The following FRS3 variants were observed in gnomAD, a reference collection of about 807,000 sequenced individuals.
FRS3 encodes fibroblast growth factor receptor substrate 3, also known as FGFR substrate 3.
A neutral mutation model predicts 41.9 loss-of-function variants in FRS3; 17 were observed. That is an observed-to-expected ratio of 0.41 (90% CI 0.28 to 0.61). The LOEUF (loss-of-function observed/expected upper bound fraction) is 0.61. FRS3 is among the 20% of genes least tolerant of loss of function. The pLI, the probability that FRS3 is intolerant of heterozygous loss-of-function variation, is 0.36. For missense variants in FRS3, 619 were observed against 672.1 expected, an observed-to-expected ratio of 0.92 and a Z score of 0.87; for synonymous variants, 287 against 274.5, an observed-to-expected ratio of 1.05 and a Z score of -0.45.
chr6:41,777,974 C>T (rs1339875836), intron 2 of FRS3, 59 bp downstream of exon 2: 1 of 152,636 alleles, frequency 6.6e-6, no homozygotes, highest in Non-Finnish European at 1.5e-5. Flanking sequence ...TGACCTGTAC[C>T]CTCTGTTCCT....
chr6:41,773,200 T>C (rs1210473634), intron 4 of FRS3, among the ~76,000 whole-genome samples: 1 of 152,100 alleles, frequency 6.6e-6, no homozygotes, highest in Non-Finnish European at 1.5e-5. Context: ...CCTCCCAGGT[T>C]CAAGCAATTC....
chr6:41,772,938 G>A lies in FRS3; in HGVS notation c.275C>T (p.Ser92Phe). The change falls in exon 5 of 7, where the codon TCC becomes TTC. Residue 92 changes from serine to phenylalanine, a missense_variant. Coordinates refer to ENST00000373018, the MANE Select transcript of FRS3 (RefSeq NM_006653.5). ...TGQGIFAFKC[S>F]RAEEIFNLLQ... is the part of the protein sequence containing the mutation. ...GAGGTTGAAGATTTCCTCAGCCCGG[G>A]AACACTTAAATGCAAATATTCCTGG... is the stretch of plus-strand genomic sequence containing the variant. The A allele has an allele frequency of 3.1e-6, 5 of 1,613,872 alleles. No homozygotes were observed. Among genetic ancestry groups the A allele is most frequent in the Non-Finnish European group, 4.2e-6 (5 of 1,179,902 alleles).
intron 4 of FRS3, among the ~76,000 whole-genome samples, chr6:41,773,570 G>A (rs1049310305): frequency 6.6e-6 from 1 of 151,392 alleles, no homozygotes; most frequent in Non-Finnish European, 1.5e-5. Flanking sequence ...CACAAGAAGA[G>A]AATCAAAACC....
intron 2 of FRS3, 72 bp from the exon 3 acceptor site, chr6:41,777,082 C>A: frequency 9.7e-7 from 1 of 1,028,760 alleles, no homozygotes; most frequent in Non-Finnish European, 1.5e-6. Context: ...GGAACTTGGG[C>A]AGAAGCACGT....
chr6:41,777,078 T>C lies in FRS3; in HGVS notation c.-23-68A>G, dbSNP rs556965275. On this transcript the variant is annotated intron_variant, in intron 2 of 6. Transcript: ENST00000373018. ...TCAAAAAACCCTGCTCTGGGGAACT[T>C]GGGCAGAAGCACGTCATTGTGATCA... 8.1e-6 allele frequency: 9 copies of C among 1,106,686 alleles called. No homozygotes were observed. In the African/African-American group the frequency reaches 1.4e-4, roughly 17 times the overall value. The allele number at this position is 1,106,686 out of a possible 1,614,324, so 68.6% of individuals were successfully genotyped here.
chr6:41,771,013 T>C lies in FRS3; in HGVS notation c.1085A>G (p.Asp362Gly). Reference protein sequence around the residue: ...GLTPSSNGFPDGEEDETPLQK... With the variant: ...GLTPSSNGFPGGEEDETPLQK... ...CAGTGGGGTCTCGTCCTCCTCACCA[T>C]CAGGGAAGCCATTGGAAGAGGGTGT... The change falls in exon 7 of 7, where the codon GAT becomes GGT. Residue 362 changes from aspartate to glycine, a missense_variant. Physicochemically the swap from Asp to Gly is moderately conservative, Grantham distance 94 (BLOSUM62 -1). Around this residue, in one of 3 missense-constraint regions of FRS3, gnomAD observed 487 missense variants for 478.3 expected, o/e 1.02. Coordinates refer to ENST00000373018, the MANE Select transcript of FRS3 (RefSeq NM_006653.5). The C allele has an allele frequency of 1.2e-6, 2 of 1,613,008 alleles. No homozygotes were observed. Among genetic ancestry groups the C allele is most frequent in the Non-Finnish European group, 1.7e-6 (2 of 1,179,812 alleles).
intron 5 of FRS3, among the ~76,000 whole-genome samples, chr6:41,772,427 A>G (rs944751914): frequency 6.6e-6 from 1 of 152,226 alleles, no homozygotes; most frequent in African/African-American, 2.4e-5. Context: ...CCTCTCCAGA[A>G]TACGGTCATG....
chr6:41,779,847 C>T lies in FRS3; in HGVS notation c.-199G>A, dbSNP rs1475458784. The T allele has an allele frequency of 2.0e-5, 3 of 147,220 alleles. No individual in the cohort carries two copies. The highest frequency in any genetic ancestry group is 4.5e-5 in the Non-Finnish European group (3 of 66,246). The allele number at this position is 147,220 out of a possible 1,614,324, so 9.1% of individuals were successfully genotyped here. A position where few individuals can be genotyped will look rare whatever the true frequency, so the allele number is the denominator to read the frequency against. ...CCGCGGCCCGGGCGGCGCCGGGCCC[C>T]GCTCCCGGGTCCCGCTGCAGCAGCC... On this transcript the variant is annotated 5_prime_UTR_variant, in exon 1 of 7. Coordinates refer to ENST00000373018, the MANE Select transcript of FRS3 (RefSeq NM_006653.5).
chr6:41,771,571 G>A (rs756803085), intron 6 of FRS3, 38 bp from the exon 7 acceptor site: 2 of 1,461,726 alleles, frequency 1.4e-6, no homozygotes, highest in African/African-American at 1.4e-5. Flanking sequence ...AGTGTCCCAG[G>A]GCAGGGAGAA....
At chr6:41,777,473 C>T (rs1373197533) in intron 2 of FRS3, 4 of 156,260 alleles carry the variant, frequency 2.6e-5, no homozygotes, top group African/African-American at 9.6e-5. Flanking sequence ...CTCTTTTTTC[C>T]TCCCTTTTTA....
chr6:41,771,981 C>T lies in FRS3; in HGVS notation c.416-17G>A, dbSNP rs1581968177. 6.6e-7 allele frequency: 1 copy of T among 1,524,900 alleles called. No individual in the cohort carries two copies. The allele number at this position is 1,524,900 out of a possible 1,614,324, so 94.5% of individuals were successfully genotyped here. On this transcript the variant is annotated splice_polypyrimidine_tract_variant and intron_variant, in intron 5 of 6. Coordinates refer to ENST00000373018, the MANE Select transcript of FRS3 (RefSeq NM_006653.5). ...AGCCTAGAGCTGAGCACACGGGAGA[C>T]AAGCCCAGGAGAGGGGAACTTAAGC... is the stretch of plus-strand genomic sequence containing the variant.
At chr6:41,778,456 C>A (rs546195844) in intron 1 of FRS3, among the ~76,000 whole-genome samples, 7 of 152,316 alleles carry the variant, frequency 4.6e-5, no homozygotes, top group Admixed American at 1.3e-4. Context: ...AGTCCTGTTA[C>A]AACAAACACC....
At chr6:41,771,755 T>C in intron 6 of FRS3, 61 bp downstream of exon 6, 18 of 1,518,514 alleles carry the variant, frequency 1.2e-5, no homozygotes, top group Non-Finnish European at 1.6e-5. Flanking sequence ...GGTGGCCTTA[T>C]TTCCTATCCC....
In FRS3 at chr6:41,775,510, G is replaced by A. The variant is rs369427367; in HGVS notation, c.162C>T (p.Ala54=). Residue 54 remains alanine, a synonymous_variant, in exon 4 of 7, where the codon GCC becomes GCT. Transcript: ENST00000373018. ...ELVLHLHRRE[A]VRWPYLCLRR... is the part of the protein sequence containing the mutation. ...GCAAGCAGAGATAAGGCCAGCGGAC[G>A]GCCTCACGCCGATGCAGGTGCAGCA... The A allele has an allele frequency of 2.4e-4, 395 of 1,613,910 alleles. 1 individual carries two copies. The highest frequency in any genetic ancestry group is 3.1e-4 in the Non-Finnish European group (361 of 1,179,988).
In FRS3 at chr6:41,775,549, C is replaced by T. The variant is rs756142321; in HGVS notation, c.123G>A (p.Thr41=). ...VELGSGVMEL[T]QSELVLHLHR... ...GCAGGTGCAGCACCAGCTCACTCTG[C>T]GTCAGCTCCATCACCCCAGAGCCCA... The change falls in exon 4 of 7, where the codon ACG becomes ACA. Residue 41 remains threonine (T), a synonymous_variant. Transcript: ENST00000373018. 34 of 1,613,834 alleles carry T rather than the reference C, an allele frequency of 2.1e-5. No homozygotes were observed. Among genetic ancestry groups the T allele is most frequent in the Admixed American group, 6.7e-5 (4 of 60,014 alleles).
At chr6:41,775,058 GCTCA>G (rs553928245) in intron 4 of FRS3, among the ~76,000 whole-genome samples, 132 of 152,262 alleles carry the variant, frequency 8.7e-4, no homozygotes, top group African/African-American at 2.6e-3. Flanking sequence ...GACCTCGGAG[GCTCA>G]CTATTTTGTT....
Position 41,772,915 on chromosome 6 carries a change from G to C in FRS3, c.298C>G (p.Leu100Val). The change falls in exon 5 of 7, where the codon CTC becomes GTC. Residue 100 changes from leucine to valine, a missense_variant. Physicochemically the swap from Leu to Val is conservative, Grantham distance 32. Around this residue, in one of 3 missense-constraint regions of FRS3, gnomAD observed 100 missense variants for 138.1 expected, o/e 0.72. Transcript: ENST00000373018. The part of the protein sequence containing the change: ...KCSRAEEIFN[L>V]LQDLMQCNSI... ...TTGCACTGCATCAGATCCTGAAGGA[G>C]GTTGAAGATTTCCTCAGCCCGGGAA... The C allele has an allele frequency of 6.2e-7, 1 of 1,613,902 alleles. No homozygotes were observed. The highest frequency in any genetic ancestry group is 8.5e-7 in the Non-Finnish European group (1 of 1,179,864).
In FRS3 at chr6:41,775,579, C is replaced by T. The variant is rs778280928; in HGVS notation, c.93G>A (p.Val31=). ...GCTCCATCACCCCAGAGCCCAGCTC[C>T]ACCCCCTCATCATCCACATTTGTCA... ...FKVTNVDDEG[V]ELGSGVMELT... Residue 31 remains valine (V), a synonymous_variant, in exon 4 of 7, where the codon GTG becomes GTA. Transcript: ENST00000373018. 4 of 1,613,908 alleles carry T rather than the reference C, an allele frequency of 2.5e-6. No individual in the cohort carries two copies. The Admixed American group carries it at 6.7e-5, about 27-fold the overall frequency.
chr6:41,770,516 G>T lies in FRS3; in HGVS notation c.*103C>A. 1 of 1,206,800 alleles carries T rather than the reference G, an allele frequency of 8.3e-7. No homozygotes were observed. Among genetic ancestry groups the T allele is most frequent in the Non-Finnish European group, 1.2e-6 (1 of 831,914 alleles). 74.8% of individuals were successfully genotyped at this position (1,206,800 alleles called of 1,614,324 possible). ...ATCTGGTCCCACCTCCATGCCTTCT[G>T]CAAAGCAACCCTGAACCCTGGGGAG... On this transcript the variant is annotated 3_prime_UTR_variant, in exon 7 of 7. Coordinates refer to ENST00000373018, the MANE Select transcript of FRS3 (RefSeq NM_006653.5).
Sources: gnomAD v4.1 joint callset for allele counts (sites outside exome capture counted in the v4.1 genomes callset) on GRCh38, gnomAD v4.1.1 for gene constraint, gnomAD v4.1.1 regional missense constraint, MANE v1.5 for transcripts, NCBI Gene and HGNC (gene_info 2026-07-23, HGNC 2026-07-21) for gene names.